IMPA2: variants seen among roughly 807,000 people sequenced by gnomAD.
IMPA2 encodes inositol monophosphatase 2, also known as IMP 2.
A neutral mutation model predicts 35.1 loss-of-function variants in IMPA2; 32 were observed. That is an observed-to-expected ratio of 0.91 (90% CI 0.69 to 1.23). The LOEUF (loss-of-function observed/expected upper bound fraction) is 1.23. Among genes scored for constraint, IMPA2 ranks in the 50% most tolerant of loss-of-function variants. The probability of loss-of-function intolerance (pLI) is 0.00; values close to 1 mark genes in which losing one functional copy is unlikely to be tolerated. For synonymous variants in IMPA2, 135 were observed against 160.6 expected, an observed-to-expected ratio of 0.84 and a Z score of 1.20; for missense variants, 334 against 387.6, an observed-to-expected ratio of 0.86 and a Z score of 1.16.
At chr18:12,000,468 C>T (rs1907085908) in intron 2 of IMPA2, among the ~76,000 whole-genome samples, 1 of 151,648 alleles carries the variant, frequency 6.6e-6, no homozygotes, top group Non-Finnish European at 1.5e-5. Flanking sequence ...CCAGCTCTCC[C>T]TCTGAATTTC....
intron 1 of IMPA2, among the ~76,000 whole-genome samples, chr18:11,997,947 C>T (rs953349449): frequency 6.6e-6 from 1 of 152,130 alleles, no homozygotes; most frequent in Non-Finnish European, 1.5e-5. Context: ...GTGGGAGGAT[C>T]GCTTGAGCCC....
chr18:12,008,402 A>T (rs368628826), intron 2 of IMPA2: 7 of 518,140 alleles, frequency 1.4e-5, no homozygotes, highest in Non-Finnish European at 2.3e-5. Flanking sequence ...CGGCAAGGCC[A>T]CATAGTCATG....
chr18:12,019,940 A>G (rs1013017334), intron 5 of IMPA2, among the ~76,000 whole-genome samples: 2 of 152,152 alleles, frequency 1.3e-5, no homozygotes, highest in Admixed American at 6.5e-5. Context: ...TAGTGGCACA[A>G]TCTCGGTTTA....
intron 2 of IMPA2, chr18:12,008,501 A>G (rs752310850): frequency 2.2e-6 from 1 of 461,810 alleles, no homozygotes; most frequent in Non-Finnish European, 4.4e-6. Context: ...CACTGCCCTG[A>G]ATGCTTTAGA....
In IMPA2 at chr18:12,000,764, C is replaced by T. The variant is rs962754615; in HGVS notation, c.230+1577C>T. On this transcript the variant is annotated intron_variant, in intron 2 of 7. Coordinates refer to ENST00000269159, the MANE Select transcript of IMPA2 (RefSeq NM_014214.3). Reference sequence around the variant, plus strand: ...CTGAGTAGCTGGGACTACAGGTGCCCGCCACCACGCCCAGCTAATTTTTTG... The same window carrying T: ...CTGAGTAGCTGGGACTACAGGTGCCTGCCACCACGCCCAGCTAATTTTTTG... 2.2e-4 allele frequency among the ~76,000 whole-genome samples: 33 copies of T among 151,022 alleles called. 2 individuals are homozygous for T. Among genetic ancestry groups the T allele is most frequent in the Middle Eastern group, 3.4e-3 (1 of 294 alleles).
rs759917566 is a variant in IMPA2, at chr18:12,012,184, C to T, written c.350C>T (p.Ala117Val). The T allele has an allele frequency of 8.1e-6, 13 of 1,614,014 alleles. No individual in the cohort carries two copies. Among genetic ancestry groups the T allele is most frequent in the Non-Finnish European group, 1.1e-5 (13 of 1,179,994 alleles). The change falls in exon 4 of 8, where the codon GCG becomes GTG. Residue 117 changes from alanine to valine, a missense_variant. Coordinates refer to ENST00000269159, the MANE Select transcript of IMPA2 (RefSeq NM_014214.3). ...CNFVHRFPTV[A>V]VSIGFAVRQE... ...TTCCTTTGCAGATTCCCGACTGTGG[C>T]GGTTAGCATTGGATTTGCTGTTCGA...
intron 2 of IMPA2, chr18:12,008,227 C>T: frequency 2.2e-6 from 1 of 460,652 alleles, no homozygotes; most frequent in Non-Finnish European, 4.4e-6. Context: ...AACTCCTGAC[C>T]TCAGGTGATC....
chr18:11,983,355 T>C (rs1906560960), intron 1 of IMPA2, among the ~76,000 whole-genome samples: 1 of 152,212 alleles, frequency 6.6e-6, no homozygotes, highest in Non-Finnish European at 1.5e-5. Context: ...TTAGGAACTT[T>C]TAGGTTCTAC....
intron 7 of IMPA2, among the ~76,000 whole-genome samples, chr18:12,029,717 G>A (rs574618282): frequency 2.0e-5 from 3 of 152,244 alleles, no homozygotes; most frequent in Non-Finnish European, 2.9e-5. Context: ...CACCATGCCC[G>A]GCCTCCATTC....
At chr18:12,028,367 T>C in intron 6 of IMPA2, 1 of 556,578 alleles carries the variant, frequency 1.8e-6, no homozygotes. Flanking sequence ...CCTGTGTTGC[T>C]TCTGATCAGA....
chr18:11,984,625 AGG>A (rs1906603094), intron 1 of IMPA2, among the ~76,000 whole-genome samples: 1 of 151,834 alleles, frequency 6.6e-6, no homozygotes, highest in Non-Finnish European at 1.5e-5. Flanking sequence ...GGATCACCTG[AGG>A]TCGGGAATTT....
chr18:12,011,113 G>A (rs1907420943), intron 3 of IMPA2, among the ~76,000 whole-genome samples: 1 of 152,224 alleles, frequency 6.6e-6, no homozygotes, highest in Non-Finnish European at 1.5e-5. Flanking sequence ...ACATGGTGAA[G>A]GCCACACGTC....
rs764823053 is a variant in IMPA2, at chr18:12,028,090, C to G, written c.538C>G (p.Pro180Ala). The G allele has an allele frequency of 2.5e-6, 4 of 1,613,994 alleles. No homozygotes were observed. The highest frequency in any genetic ancestry group is 8.5e-7 in the Non-Finnish European group (1 of 1,179,940). ...GACAGAAATTGGCCCCAAACGTGAC[C>G]CTGCGACCCTGAAGCTGTTCCTGAG... ...VLTEIGPKRDPATLKLFLSNM... is the reference protein window; with the variant it reads ...VLTEIGPKRDAATLKLFLSNM... Residue 180 changes from proline to alanine, a missense_variant, in exon 6 of 8, where the codon CCT (proline) becomes GCT (alanine). Coordinates refer to ENST00000269159, the MANE Select transcript of IMPA2 (RefSeq NM_014214.3).
At chr18:12,000,772 C>T (rs553295001) in intron 2 of IMPA2, among the ~76,000 whole-genome samples, 138 of 151,232 alleles carry the variant, frequency 9.1e-4, no homozygotes, top group African/African-American at 3.1e-3. Flanking sequence ...CCCGCCACCA[C>T]GCCCAGCTAA....
chr18:12,016,670 C>T (rs1348038936), intron 5 of IMPA2, among the ~76,000 whole-genome samples: 1 of 152,142 alleles, frequency 6.6e-6, no homozygotes, highest in Middle Eastern at 3.2e-3. Context: ...CCACCCGCCT[C>T]GGCCTCCCAG....
At chr18:11,998,136 C>T (rs372477246) in intron 1 of IMPA2, among the ~76,000 whole-genome samples, 19 of 152,318 alleles carry the variant, frequency 1.2e-4, no homozygotes, top group East Asian at 7.7e-4. Context: ...CACCACACTT[C>T]GGCCTGGGTG....
intron 1 of IMPA2, among the ~76,000 whole-genome samples, chr18:11,988,189 AGAG>A (rs1264246936): frequency 3.3e-5 from 5 of 151,870 alleles, no homozygotes; most frequent in Admixed American, 6.6e-5. Context: ...TATTTTTAGT[AGAG>A]ATGGGGTTTC....
chr18:12,026,483 A>G (rs2143826717), intron 5 of IMPA2, among the ~76,000 whole-genome samples: 1 of 152,368 alleles, frequency 6.6e-6, no homozygotes, highest in East Asian at 1.9e-4. Flanking sequence ...AATTTAATGA[A>G]CCAAATCAAA....
intron 5 of IMPA2, among the ~76,000 whole-genome samples, chr18:12,023,293 C>T (rs1048736084): frequency 2.6e-5 from 4 of 152,200 alleles, no homozygotes; most frequent in Admixed American, 2.0e-4. Context: ...TGTAATGGCT[C>T]CATGGCCTGA....
Sources: gnomAD v4.1 joint callset for allele counts (sites outside exome capture counted in the v4.1 genomes callset) on GRCh38, gnomAD v4.1.1 for gene constraint, MANE v1.5 for transcripts, NCBI Gene and HGNC (gene_info 2026-07-23, HGNC 2026-07-21) for gene names.